The following KIF13A variants were observed in gnomAD, a reference collection of about 807,000 sequenced individuals.
KIF13A encodes kinesin-like protein KIF13A.
A neutral mutation model predicts 212.2 loss-of-function variants in KIF13A; 79 were observed. The ratio of observed to expected loss-of-function variants is 0.37; its 90% CI spans 0.31 to 0.45. The LOEUF is 0.45. Ranked by LOEUF, KIF13A falls within the 20% of genes least tolerant of loss-of-function variation. The pLI is 1.00. For synonymous variants in KIF13A, 789 were observed against 808.6 expected (o/e 0.98, Z 0.41); for missense variants, 1,901 against 2,209.0 (o/e 0.86, Z 2.79).
At chr6:17,889,163 C>T (rs1322917966) in intron 3 of KIF13A, among the ~76,000 whole-genome samples, 1 of 152,198 alleles carries the variant, frequency 6.6e-6, no homozygotes, top group Admixed American at 6.5e-5. Context: ...ATGGCATAAG[C>T]TGTACCTAAT....
At chr6:17,935,340 C>T (rs1314857587) in intron 2 of KIF13A, among the ~76,000 whole-genome samples, 48 of 152,130 alleles carry the variant, frequency 3.2e-4, no homozygotes, top group Admixed American at 2.9e-3. Context: ...GAAAATTCAG[C>T]ACCACAGAGA....
rs527855617 is a variant in KIF13A at position 17,933,944 on chromosome 6, G to A, written c.147-35764C>T. ...CCTTTCAAACATATCCCTTAGTCCT[G>A]CTTTTATCTTATTACAATGCAATGT... is the stretch of plus-strand genomic sequence containing the variant. On this transcript the variant is annotated intron_variant, in intron 2 of 38. Coordinates refer to ENST00000259711, the MANE Select transcript of KIF13A (RefSeq NM_022113.6). Among the ~76,000 whole-genome samples the A allele has an allele frequency of 3.9e-5, 6 of 152,174 alleles. No individual in the cohort carries two copies. In the East Asian group the frequency reaches 1.2e-3, roughly 29 times the overall value.
chr6:17,974,703 A>G (rs894711027), intron 2 of KIF13A, among the ~76,000 whole-genome samples: 1 of 152,176 alleles, frequency 6.6e-6, no homozygotes, highest in African/African-American at 2.4e-5. Flanking sequence ...CAGCCCAATT[A>G]AGTGAGAATC....
chr6:17,819,907 T>C (rs1764287159), intron 16 of KIF13A, among the ~76,000 whole-genome samples: 1 of 152,118 alleles, frequency 6.6e-6, no homozygotes, highest in South Asian at 2.1e-4. Flanking sequence ...TTGCCATCCA[T>C]TTATATTTAG....
chr6:17,764,587 G>A lies in KIF13A; in HGVS notation c.4941C>T (p.Ser1647=). 1 of 1,613,950 alleles carries A rather than the reference G, an allele frequency of 6.2e-7. No individual in the cohort carries two copies. Among genetic ancestry groups the A allele is most frequent in the Non-Finnish European group, 8.5e-7 (1 of 1,179,890 alleles). Reference sequence around the variant, plus strand: ...CGACTTCTGTCAACTCTTTGTTTGAGGACGGCCTGAAATCATGCACAAGCG... The same window carrying A: ...CGACTTCTGTCAACTCTTTGTTTGAAGACGGCCTGAAATCATGCACAAGCG... ...TPSLVHDFRP[S]SNKELTEVEK... is the part of the protein sequence containing the mutation. The change falls in exon 39 of 39, where the codon TCC becomes TCT. Residue 1647 remains serine, a synonymous_variant. Coordinates refer to ENST00000259711, the MANE Select transcript of KIF13A (RefSeq NM_022113.6). This position sits in a 1 kb window ranked among gnomAD's most constrained non-coding sequence, Gnocchi z 5.1.
At chr6:17,830,961 C>A (rs1179976935) in intron 13 of KIF13A, 140 bp downstream of exon 13, 5 of 695,204 alleles carry the variant, frequency 7.2e-6, no homozygotes, top group Non-Finnish European at 1.2e-5. Flanking sequence ...CAGTGGTGAT[C>A]GGAGGGCACT....
chr6:17,932,141 C>T (rs751953937), intron 2 of KIF13A, among the ~76,000 whole-genome samples: 6 of 152,076 alleles, frequency 3.9e-5, no homozygotes, highest in Non-Finnish European at 8.8e-5. Flanking sequence ...TGAGAACCAC[C>T]GACACATGCT....
At chr6:17,879,312 T>C (rs527856615) in intron 3 of KIF13A, among the ~76,000 whole-genome samples, 3 of 152,328 alleles carry the variant, frequency 2.0e-5, no homozygotes, top group African/African-American at 7.2e-5. Flanking sequence ...CAGTATTTCA[T>C]ACAGGGCAGG....
At chr6:17,851,194 T>C (rs1028607922) in intron 7 of KIF13A, among the ~76,000 whole-genome samples, 27 of 152,314 alleles carry the variant, frequency 1.8e-4, no homozygotes, top group Admixed American at 1.7e-3. Context: ...CGAAACCTTT[T>C]TAAAATGATC....
At chr6:17,972,632 T>C (rs1392632007) in intron 2 of KIF13A, among the ~76,000 whole-genome samples, 1 of 152,184 alleles carries the variant, frequency 6.6e-6, no homozygotes, top group East Asian at 1.9e-4. Flanking sequence ...TCGCAACAGA[T>C]GCCTATGCAG....
chr6:17,795,527 G>A (rs1290468809), intron 23 of KIF13A, among the ~76,000 whole-genome samples: 1 of 151,638 alleles, frequency 6.6e-6, no homozygotes, highest in East Asian at 1.9e-4. Context: ...CCCAGGAGGT[G>A]GAGGTTGCAG....
At chr6:17,985,777 AT>A (rs1309670168) in intron 2 of KIF13A, among the ~76,000 whole-genome samples, 2 of 152,180 alleles carry the variant, frequency 1.3e-5, no homozygotes, top group Non-Finnish European at 2.9e-5. Flanking sequence ...CTAAAAATAC[AT>A]CCATTACTAG....
chr6:17,808,386 AAAACAAAC>A (rs3076207), intron 18 of KIF13A, among the ~76,000 whole-genome samples: 34,997 of 150,824 alleles, frequency 0.23, 4,214 homozygotes, highest in South Asian at 0.38. Context: ...ACTCAGTCTA[AAAACAAAC>A]AAACAAACAA....
At chr6:17,846,890 G>C (rs1767120323) in intron 9 of KIF13A, among the ~76,000 whole-genome samples, 1 of 152,188 alleles carries the variant, frequency 6.6e-6, no homozygotes, top group East Asian at 1.9e-4. Flanking sequence ...GGCTGAGCCT[G>C]GGCTCGGAGA....
intron 22 of KIF13A, among the ~76,000 whole-genome samples, chr6:17,797,938 T>C (rs1762182810): frequency 6.6e-6 from 1 of 152,002 alleles, no homozygotes; most frequent in African/African-American, 2.4e-5. Context: ...TGTGAGGAAA[T>C]GAATACTGAA....
rs1774307488 is a variant in KIF13A, at chr6:17,914,241, T to C, written c.147-16061A>G. 6.6e-6 allele frequency among the ~76,000 whole-genome samples: 1 copy of C among 152,218 alleles called. No individual in the cohort carries two copies. Among genetic ancestry groups the C allele is most frequent in the Non-Finnish European group, 1.5e-5 (1 of 68,034 alleles). The stretch of plus-strand genomic sequence containing the variant: ...TTTTAAATTTTTATTGCTTTTAAAC[T>C]ACATTATTTATAGTGACCCTTGTTT... On this transcript the variant is annotated intron_variant, in intron 2 of 38. Coordinates refer to ENST00000259711, the MANE Select transcript of KIF13A (RefSeq NM_022113.6). The surrounding 1 kb of genome is among the most constrained non-coding windows in gnomAD (Gnocchi z 5.9).
chr6:17,904,150 C>A (rs1425958801), intron 2 of KIF13A, among the ~76,000 whole-genome samples: 1 of 149,006 alleles, frequency 6.7e-6, no homozygotes, highest in East Asian at 2.0e-4. Flanking sequence ...GAGTGAGACT[C>A]TGTCTCAAAA....
rs1004248133 is a variant in KIF13A, at chr6:17,856,490, C to T, written c.221-368G>A. On this transcript the variant is annotated intron_variant, in intron 4 of 38. Coordinates refer to ENST00000259711, the MANE Select transcript of KIF13A (RefSeq NM_022113.6). This position sits in a 1 kb window ranked among gnomAD's most constrained non-coding sequence, Gnocchi z 4.5. ...TCCCCAGCTAGATTCTGAACTGCCA[C>T]TGAACAAGACCATGTTATACACACC... Among the ~76,000 whole-genome samples the T allele has an allele frequency of 1.3e-5, 2 of 152,210 alleles. No homozygotes were observed. Among genetic ancestry groups the T allele is most frequent in the African/African-American group, 4.8e-5 (2 of 41,446 alleles).
intron 2 of KIF13A, among the ~76,000 whole-genome samples, chr6:17,949,030 G>A (rs1777650223): frequency 6.6e-6 from 1 of 152,040 alleles, no homozygotes; most frequent in East Asian, 1.9e-4. Context: ...GAATACACAT[G>A]TCAAATGTAC....
Sources: gnomAD v4.1 joint callset for allele counts (sites outside exome capture counted in the v4.1 genomes callset) on GRCh38, gnomAD v4.1.1 for gene constraint, Gnocchi (gnomAD v3.1) non-coding constraint, MANE v1.5 for transcripts, NCBI Gene and HGNC (gene_info 2026-07-23, HGNC 2026-07-21) for gene names.